The following DVL1 variants were observed in gnomAD, a reference collection of about 807,000 sequenced individuals.
DVL1 encodes dishevelled segment polarity protein 1.
A neutral mutation model predicts 65.0 loss-of-function variants in DVL1; 49 were observed. The ratio of observed to expected loss-of-function variants is 0.75; its 90% CI spans 0.60 to 0.96. The LOEUF is 0.96. Among genes scored for constraint, DVL1 ranks in the 40% least tolerant of loss-of-function variants. DVL1 has a pLI of 0.00. For missense variants in DVL1, 1,197 were observed against 1,045.4 expected, an observed-to-expected ratio of 1.15 and a Z score of -2.00; for synonymous variants, 608 against 433.9, an observed-to-expected ratio of 1.40 and a Z score of -4.99.
Position 1,336,171 on chromosome 1 carries a change from G to T in DVL1, c.2059C>A (p.Pro687Thr), listed in dbSNP as rs765583811. ...RQSFQKAMGN[P>T]CEFFVDIM ...ATGATGTCCACGAAGAACTCGCAGG[G>T]GTTCCCCATAGCCTTCTGGAAGGAC... is the stretch of plus-strand genomic sequence containing the variant. The change falls in exon 15 of 15, where the codon CCC becomes ACC. Residue 687 changes from proline (P) to threonine (T), a missense_variant. Physicochemically the swap from Pro to Thr is conservative, Grantham distance 38. Transcript: ENST00000378888. 8 of 1,574,784 alleles carry T rather than the reference G, an allele frequency of 5.1e-6. No homozygotes were observed. The Admixed American group carries it at 1.4e-4, about 28-fold the overall frequency.
Position 1,336,019 on chromosome 1 carries a change from G to T in DVL1, c.*123C>A. 1 of 1,335,398 alleles carries T rather than the reference G, an allele frequency of 7.5e-7. No individual in the cohort carries two copies. Among genetic ancestry groups the T allele is most frequent in the Non-Finnish European group, 1.0e-6 (1 of 988,774 alleles). 82.7% of individuals were successfully genotyped at this position (1,335,398 alleles called of 1,614,324 possible). On this transcript the variant is annotated 3_prime_UTR_variant, in exon 15 of 15. Coordinates refer to ENST00000378888, the MANE Select transcript of DVL1 (RefSeq NM_001330311.2). ...CAGGCTGCCAGGGCAGATGGTGGTG[G>T]TCCAGCCTGCCCCCCACCCTGCCTC... is the stretch of plus-strand genomic sequence containing the variant.
In DVL1 at chr1:1,338,121, G is replaced by C; in HGVS notation, c.1570C>G (p.Pro524Ala). ...SGTSDQDTLA[P>A]LPHPAAPWPL... ...CAGGGGGCAGCCGGGTGGGGCAGCGGGGCCAGCGTGTCCTGATCCGAAGTC... is the reference window on the plus strand; with the variant it reads ...CAGGGGGCAGCCGGGTGGGGCAGCGCGGCCAGCGTGTCCTGATCCGAAGTC... Residue 524 changes from proline to alanine, a missense_variant, in exon 14 of 15, where the codon CCG (proline) becomes GCG (alanine). Coordinates refer to ENST00000378888, the MANE Select transcript of DVL1 (RefSeq NM_001330311.2). 6.2e-7 allele frequency: 1 copy of C among 1,609,726 alleles called. No homozygotes were observed. Among genetic ancestry groups the C allele is most frequent in the Non-Finnish European group, 8.5e-7 (1 of 1,178,742 alleles).
At chr1:1,345,408 A>T (rs989178298) in intron 1 of DVL1, among the ~76,000 whole-genome samples, 9 of 152,158 alleles carry the variant, frequency 5.9e-5, no homozygotes, top group Non-Finnish European at 1.3e-4. Context: ...CCCAGGTCCC[A>T]GGCAGAGCCC....
At position 1,340,020 on chromosome 1, in the gene DVL1, C is replaced by T; in HGVS notation, c.909+18G>A. The T allele has an allele frequency of 1.2e-6, 2 of 1,605,804 alleles. No individual in the cohort carries two copies. Among genetic ancestry groups the T allele is most frequent in the Non-Finnish European group, 8.5e-7 (1 of 1,176,092 alleles). On this transcript the variant is annotated intron_variant, in intron 8 of 14. Coordinates refer to ENST00000378888, the MANE Select transcript of DVL1 (RefSeq NM_001330311.2). Reference sequence around the variant, plus strand: ...CCACCCGCAGCTACATGTCACCCCGCAGCCCCCACAGACACACCTGCAGCA... The same window carrying T: ...CCACCCGCAGCTACATGTCACCCCGTAGCCCCCACAGACACACCTGCAGCA...
intron 8 of DVL1, 51 bp downstream of exon 8, chr1:1,339,987 C>G (rs76552348): frequency 4.4e-6 from 7 of 1,584,194 alleles, no homozygotes; most frequent in Non-Finnish European, 6.0e-6. Flanking sequence ...CCCAAAGTCC[C>G]CACGGACCCA....
chr1:1,340,755 C>T (rs1643774357), intron 5 of DVL1, among the ~76,000 whole-genome samples: 1 of 151,568 alleles, frequency 6.6e-6, no homozygotes, highest in Non-Finnish European at 1.5e-5. Context: ...TGCACACATG[C>T]ACACCTGCAC....
chr1:1,340,349 C>G (rs936672113), intron 6 of DVL1, 33 bp from the exon 7 acceptor site: 70 of 1,613,668 alleles, frequency 4.3e-5, no homozygotes, highest in Non-Finnish European at 5.8e-5. Flanking sequence ...GTAAAAGGCA[C>G]GGGGCTGCCC....
chr1:1,339,186 TCA>T (rs1643695794), intron 11 of DVL1, 99 bp downstream of exon 11: 3 of 1,466,770 alleles, frequency 2.0e-6, no homozygotes, highest in Non-Finnish European at 2.8e-6. Context: ...CACACACGTG[TCA>T]CAGCCCCATG....
intron 14 of DVL1, chr1:1,337,603 C>CCAGCCGCCACCCCTACCAGGCA (rs1643621391): frequency 7.3e-6 from 3 of 412,470 alleles, no homozygotes; most frequent in Non-Finnish European, 1.4e-5. Flanking sequence ...AGGAGAACCA[C>CCAGCCGCCACCCCTACCAGGCA]CAGCCGCCAC....
Position 1,336,385 on chromosome 1 carries a change from G to T in DVL1, c.1845C>A (p.Ser615Arg). The change falls in exon 15 of 15, where the codon AGC (serine) becomes AGA (arginine). Residue 615 changes from serine (S) to arginine (R), a missense_variant. By Grantham distance (110) the Ser-to-Arg change is moderately radical. Coordinates refer to ENST00000378888, the MANE Select transcript of DVL1 (RefSeq NM_001330311.2). The part of the protein sequence containing the change: ...DHTAPSGVGS[S>R]WRERPAGQLS... ...GCTGGCCGGCCGGACGCTCTCGCCA[G>T]CTGCTCCCCACCCCACTCGGTGCCG... The T allele has an allele frequency of 6.3e-7, 1 of 1,598,940 alleles. No individual in the cohort carries two copies.
chr1:1,341,881 T>C, intron 4 of DVL1, 76 bp from the exon 5 acceptor site: 1 of 1,489,342 alleles, frequency 6.7e-7, no homozygotes, highest in South Asian at 1.3e-5. Flanking sequence ...TGGGCAGTGC[T>C]GCATGCCTGT....
At chr1:1,337,923 G>C (rs1643635785) in intron 14 of DVL1, 54 bp downstream of exon 14, 3 of 1,429,234 alleles carry the variant, frequency 2.1e-6, no homozygotes, top group Non-Finnish European at 2.9e-6. Flanking sequence ...GCAGTGGAGT[G>C]GGGCGGAGCT....
chr1:1,341,350 G>A (rs1319828783), intron 5 of DVL1, among the ~76,000 whole-genome samples: 2 of 149,860 alleles, frequency 1.3e-5, no homozygotes, highest in Admixed American at 6.6e-5. Flanking sequence ...TTTGCACACA[G>A]GTACATGCAC....
rs770851421 is a variant in DVL1, at chr1:1,340,058, G to T, written c.889C>A (p.Pro297Thr). 53 of 1,612,724 alleles carry T rather than the reference G, an allele frequency of 3.3e-5. No homozygotes were observed. The highest frequency in any genetic ancestry group is 4.4e-5 in the Non-Finnish European group (52 of 1,179,832). The change falls in exon 8 of 15, where the codon CCC becomes ACC. Residue 297 changes from proline to threonine, a missense_variant. Transcript: ENST00000378888. Reference sequence around the variant, plus strand: ...CACACCTGCAGCAACATGTCGCCGGGCTCGATGCGGCCGTCAGCGGCCACA... The same window carrying T: ...CACACCTGCAGCAACATGTCGCCGGTCTCGATGCGGCCGTCAGCGGCCACA... ...GAVAADGRIE[P>T]GDMLLQVNDV...
chr1:1,347,965 T>C (rs548424931), intron 1 of DVL1, among the ~76,000 whole-genome samples: 1 of 152,196 alleles, frequency 6.6e-6, no homozygotes, highest in Non-Finnish European at 1.5e-5. Flanking sequence ...CTGAGGACCC[T>C]GCAACCACAG....
At chr1:1,338,241 C>A in intron 13 of DVL1, 28 bp downstream of exon 13, 2 of 1,589,266 alleles carry the variant, frequency 1.3e-6, no homozygotes, top group Middle Eastern at 1.7e-4. Context: ...CCCTCCCCCC[C>A]GCCCTGAAGC....
At chr1:1,339,190 A>T in intron 11 of DVL1, 97 bp downstream of exon 11, 2 of 1,479,122 alleles carry the variant, frequency 1.4e-6, no homozygotes, top group Admixed American at 4.1e-5. Context: ...CACGTGTCAC[A>T]GCCCCATGAC....
rs1177674896 is a variant in DVL1, at chr1:1,342,352, G to A, written c.362+11C>T. On this transcript the variant is annotated intron_variant, in intron 3 of 14. Transcript: ENST00000378888. ...TGGGGTAGCAGGGCCCAGCGCCCACGGTGTCCTTACTGGAAGGAGGGGGGC... is the reference window on the plus strand; with the variant it reads ...TGGGGTAGCAGGGCCCAGCGCCCACAGTGTCCTTACTGGAAGGAGGGGGGC... 18 of 1,566,584 alleles carry A rather than the reference G, an allele frequency of 1.1e-5. No homozygotes were observed. The highest frequency in any genetic ancestry group is 2.4e-5 in the East Asian group (1 of 42,434).
At chr1:1,348,579 C>G (rs1553176038) in intron 1 of DVL1, among the ~76,000 whole-genome samples, 1 of 152,234 alleles carries the variant, frequency 6.6e-6, no homozygotes, top group Non-Finnish European at 1.5e-5. Flanking sequence ...CCCGCACCAA[C>G]GGCAGGCGCT....
Sources: gnomAD v4.1 joint callset for allele counts (sites outside exome capture counted in the v4.1 genomes callset) on GRCh38, gnomAD v4.1.1 for gene constraint, MANE v1.5 for transcripts, NCBI Gene and HGNC (gene_info 2026-07-23, HGNC 2026-07-21) for gene names.